The following AKAP10 variants were observed in gnomAD, a reference collection of about 807,000 sequenced individuals.
AKAP10 encodes A-kinase anchoring protein 10, also known as A-kinase anchor protein 10, mitochondrial.
Under a neutral mutation model 80.8 loss-of-function variants are expected in AKAP10, and 24 were observed. That is an observed-to-expected ratio of 0.30 (90% CI 0.22 to 0.42). AKAP10 has a LOEUF of 0.42. Among genes scored for constraint, AKAP10 ranks in the 10% least tolerant of loss-of-function variants. The probability of loss-of-function intolerance (pLI) is 1.00; values close to 1 mark genes in which losing one functional copy is unlikely to be tolerated. For synonymous variants in AKAP10, 291 were observed against 277.7 expected, an observed-to-expected ratio of 1.05 and a Z score of -0.48; for missense variants, 661 against 794.9, an observed-to-expected ratio of 0.83 and a Z score of 2.03.
chr17:19,943,029 C>T (rs1480436952), intron 5 of AKAP10, among the ~76,000 whole-genome samples: 1 of 152,070 alleles, frequency 6.6e-6, no homozygotes, highest in Non-Finnish European at 1.5e-5. Flanking sequence ...GTAGCTGAGA[C>T]TACAGACAAG....
chr17:19,967,605 A>T (rs1363021690), intron 2 of AKAP10, among the ~76,000 whole-genome samples: 1 of 152,218 alleles, frequency 6.6e-6, no homozygotes, highest in African/African-American at 2.4e-5. Flanking sequence ...ACTTATGGCC[A>T]GGCATGGTGG....
intron 9 of AKAP10, among the ~76,000 whole-genome samples, chr17:19,933,461 A>G (rs2042959816): frequency 6.6e-6 from 1 of 152,176 alleles, no homozygotes; most frequent in Non-Finnish European, 1.5e-5. Context: ...CTACCTAACT[A>G]CCAGGGTCTT....
intron 4 of AKAP10, among the ~76,000 whole-genome samples, chr17:19,953,672 A>C (rs936223834): frequency 9.2e-5 from 14 of 152,224 alleles, no homozygotes; most frequent in Non-Finnish European, 1.8e-4. Context: ...AGAAACAGAT[A>C]ACTTAAATAG....
chr17:19,906,674 T>C (rs1597484380), intron 14 of AKAP10, among the ~76,000 whole-genome samples: 2 of 152,316 alleles, frequency 1.3e-5, no homozygotes, highest in South Asian at 4.1e-4. Context: ...GTCCCCGGTA[T>C]TGTGGCATGG....
At chr17:19,914,628 CAAAAAAA>C (rs36071856) in intron 12 of AKAP10, among the ~76,000 whole-genome samples, 28 of 58,514 alleles carry the variant, frequency 4.8e-4, no homozygotes, top group Admixed American at 1.3e-3. Context: ...GACCCTATCT[CAAAAAAA>C]AAAAAAAAAA....
chr17:19,940,315 C>T (rs943541948), intron 7 of AKAP10, among the ~76,000 whole-genome samples: 1 of 152,130 alleles, frequency 6.6e-6, no homozygotes, highest in African/African-American at 2.4e-5. Flanking sequence ...GAGGCAGAAT[C>T]GAGTGTCTAA....
intron 8 of AKAP10, among the ~76,000 whole-genome samples, chr17:19,938,426 G>C (rs1042017295): frequency 6.8e-6 from 1 of 148,112 alleles, no homozygotes; most frequent in Non-Finnish European, 1.5e-5. Context: ...TAGTAGAGAC[G>C]GGGTTTTACC....
At position 19,924,507 on chromosome 17, in the gene AKAP10, T is replaced by C; in HGVS notation, c.1652A>G (p.Lys551Arg). 1 of 1,600,762 alleles carries C rather than the reference T, an allele frequency of 6.2e-7. No homozygotes were observed. Among genetic ancestry groups the C allele is most frequent in the Non-Finnish European group, 8.5e-7 (1 of 1,171,044 alleles). ...SDSSASQSSVKKASIKILKNF... is the reference protein window; with the variant it reads ...SDSSASQSSVRKASIKILKNF... ...TTTCAGTATTTTAATACTGGCTTTT[T>C]TCACACTGGACTACAATAGAAATTG... The change falls in exon 11 of 15, where the codon AAA (lysine) becomes AGA (arginine). Residue 551 changes from lysine (K) to arginine (R), a missense_variant. Lys to Arg is a conservative substitution (Grantham distance 26). Coordinates refer to ENST00000225737, the MANE Select transcript of AKAP10 (RefSeq NM_007202.4).
At chr17:19,933,097 GAACC>G (rs1422166638) in intron 9 of AKAP10, among the ~76,000 whole-genome samples, 5 of 152,006 alleles carry the variant, frequency 3.3e-5, no homozygotes, top group Non-Finnish European at 7.4e-5. Flanking sequence ...CGACTCACTG[GAACC>G]TCTGTCTCCC....
At chr17:19,909,059 A>G (rs1422438688) in intron 14 of AKAP10, 122 bp downstream of exon 14, 2 of 730,166 alleles carry the variant, frequency 2.7e-6, no homozygotes, top group Admixed American at 3.4e-5. Flanking sequence ...GTTGCTTATG[A>G]TAAGAAGGTA....
At chr17:19,975,778 T>TG (rs1346488978) in intron 1 of AKAP10, among the ~76,000 whole-genome samples, 3 of 152,154 alleles carry the variant, frequency 2.0e-5, no homozygotes, top group African/African-American at 7.2e-5. Flanking sequence ...CTCTGGACAC[T>TG]CAAAAGGTAT....
intron 14 of AKAP10, among the ~76,000 whole-genome samples, chr17:19,908,701 G>A (rs1275902952): frequency 2.0e-5 from 3 of 152,040 alleles, no homozygotes; most frequent in African/African-American, 7.2e-5. Flanking sequence ...GTGCAGTGGT[G>A]TGATCTCGGC....
chr17:19,971,247 G>A (rs929786763), intron 1 of AKAP10, among the ~76,000 whole-genome samples: 2 of 151,792 alleles, frequency 1.3e-5, no homozygotes, highest in African/African-American at 2.4e-5. Flanking sequence ...GGTGGCTCAC[G>A]CCTGTAATCC....
At chr17:19,948,298 T>C (rs1198082798) in intron 4 of AKAP10, among the ~76,000 whole-genome samples, 3 of 151,992 alleles carry the variant, frequency 2.0e-5, no homozygotes, top group Non-Finnish European at 4.4e-5. Context: ...CAGCACCTCC[T>C]GGCCTGGACT....
At chr17:19,969,133 C>A (rs988053755) in intron 1 of AKAP10, among the ~76,000 whole-genome samples, 1 of 152,148 alleles carries the variant, frequency 6.6e-6, no homozygotes, top group African/African-American at 2.4e-5. Context: ...CACCTGAGGT[C>A]AGTAGCTCAA....
intron 1 of AKAP10, 140 bp from the exon 2 acceptor site, chr17:19,968,601 G>A (rs2043454116): frequency 6.2e-6 from 4 of 645,414 alleles, no homozygotes; most frequent in Non-Finnish European, 7.9e-6. Flanking sequence ...GAGGGCACAG[G>A]AGGGTAGTTG....
chr17:19,934,230 T>TAA (rs1190893660), intron 9 of AKAP10, among the ~76,000 whole-genome samples: 3 of 152,214 alleles, frequency 2.0e-5, no homozygotes, highest in African/African-American at 7.2e-5. Context: ...CAACGCTTTA[T>TAA]TATTAATAAG....
At chr17:19,918,287 C>G (rs1043590518) in intron 12 of AKAP10, among the ~76,000 whole-genome samples, 3 of 151,636 alleles carry the variant, frequency 2.0e-5, no homozygotes, top group Non-Finnish European at 4.4e-5. Flanking sequence ...TGCCTGTAAT[C>G]CCAGCACTTT....
At chr17:19,941,082 T>C in intron 6 of AKAP10, 72 bp from the exon 7 acceptor site, 1 of 1,493,816 alleles carries the variant, frequency 6.7e-7, no homozygotes, top group African/African-American at 1.4e-5. Flanking sequence ...AATATACTCT[T>C]TCCATACTGT....
Sources: gnomAD v4.1 joint callset for allele counts (sites outside exome capture counted in the v4.1 genomes callset) on GRCh38, gnomAD v4.1.1 for gene constraint, MANE v1.5 for transcripts, NCBI Gene and HGNC (gene_info 2026-07-23, HGNC 2026-07-21) for gene names.